Variants in WWOX observed in about 807,000 individuals in gnomAD.
WWOX encodes WW domain containing oxidoreductase, also known as WW domain-containing oxidoreductase.
Under a neutral mutation model 46.2 loss-of-function variants are expected in WWOX, and 69 were observed. That is an observed-to-expected ratio of 1.49 (90% CI 1.23 to 1.82). The LOEUF is 1.82. Ranked by LOEUF, WWOX falls within the 40% of genes most tolerant of loss-of-function variation. The pLI is 0.00. For synonymous variants in WWOX, 359 were observed against 202.6 expected (o/e 1.77, Z -6.56); for missense variants, 919 against 542.6 (o/e 1.69, Z -6.89).
chr16:79,131,885 C>T (rs955249574), intron 8 of WWOX, among the ~76,000 whole-genome samples: 3 of 152,100 alleles, frequency 2.0e-5, no homozygotes, highest in African/African-American at 7.2e-5. Context: ...TCACGTCTTA[C>T]ACGGATGGCA....
intron 8 of WWOX, among the ~76,000 whole-genome samples, chr16:78,487,178 C>A (rs1205014524): frequency 1.3e-5 from 2 of 152,148 alleles, no homozygotes; most frequent in African/African-American, 4.8e-5. Flanking sequence ...AATATTTATG[C>A]TGGATAAATA....
rs372307222 is a variant in WWOX, at chr16:78,614,643, C to A, written c.1056+181891C>A. On this transcript the variant is annotated intron_variant, in intron 8 of 8. Coordinates refer to ENST00000566780, the MANE Select transcript of WWOX (RefSeq NM_016373.4). ...AGGTGTATGGCAGATGAGGGACCAC[C>A]CCCTCCACCTTAGTCCAGTTACAGG... Among the ~76,000 whole-genome samples, 50 of 152,318 alleles carry A rather than the reference C, an allele frequency of 3.3e-4. 1 individual carries two copies. The highest frequency in any genetic ancestry group is 1.1e-3 in the African/African-American group (47 of 41,580).
intron 5 of WWOX, among the ~76,000 whole-genome samples, chr16:78,251,442 C>G (rs1160896627): frequency 6.6e-6 from 1 of 152,176 alleles, no homozygotes; most frequent in African/African-American, 2.4e-5. Context: ...CTGCTCGTTA[C>G]ACAGCATTGC....
chr16:78,259,763 A>C (rs888968473), intron 5 of WWOX, among the ~76,000 whole-genome samples: 1 of 151,438 alleles, frequency 6.6e-6, no homozygotes, highest in African/African-American at 2.4e-5. Flanking sequence ...GATCTCTATC[A>C]AAAGTTTTAT....
At chr16:78,936,686 G>A (rs1375913441) in intron 8 of WWOX, among the ~76,000 whole-genome samples, 2 of 151,898 alleles carry the variant, frequency 1.3e-5, no homozygotes, top group African/African-American at 4.8e-5. Flanking sequence ...CGTACCCTAG[G>A]TAAGGAGAGA....
At chr16:79,123,327 G>A (rs575816259) in intron 8 of WWOX, among the ~76,000 whole-genome samples, 3 of 152,250 alleles carry the variant, frequency 2.0e-5, no homozygotes, top group South Asian at 4.1e-4. Context: ...GCGTGATCAG[G>A]CCCATAAAAT....
intron 8 of WWOX, among the ~76,000 whole-genome samples, chr16:78,489,900 C>G (rs552960388): frequency 1.3e-5 from 2 of 152,192 alleles, no homozygotes; most frequent in South Asian, 4.1e-4. Flanking sequence ...TGACAGATAG[C>G]CGGATGATTT....
chr16:78,813,771 G>T (rs1407243552), intron 8 of WWOX, among the ~76,000 whole-genome samples: 1 of 152,114 alleles, frequency 6.6e-6, no homozygotes, highest in African/African-American at 2.4e-5. Context: ...GTCAGACCAG[G>T]ATGAGTGGGG....
intron 5 of WWOX, among the ~76,000 whole-genome samples, chr16:78,169,590 T>A (rs2035085813): frequency 1.6e-5 from 2 of 127,344 alleles, no homozygotes; most frequent in South Asian, 5.1e-4. Context: ...AAGACCCCAG[T>A]GGGGCTCTGA....
intron 8 of WWOX, among the ~76,000 whole-genome samples, chr16:78,979,792 T>A (rs1193942951): frequency 6.6e-6 from 1 of 152,152 alleles, no homozygotes; most frequent in Non-Finnish European, 1.5e-5. Flanking sequence ...TGCACTGCAT[T>A]TATCCAAAGG....
rs71840436 is a variant in WWOX, at chr16:79,033,291, T to TAC, written c.1057-178311_1057-178310dup. Among the ~76,000 whole-genome samples, 627 of 148,218 alleles carry TAC rather than the reference T, an allele frequency of 4.2e-3. 5 individuals are homozygous for TAC. The highest frequency in any genetic ancestry group is 0.03 in the East Asian group (154 of 5,126). ...CCCCCACCAAATATTTATATATATA[T>TAC]ACACACATATGTATATATGTATGTA... is the stretch of plus-strand genomic sequence containing the variant. On this transcript the variant is annotated intron_variant, in intron 8 of 8. Transcript: ENST00000566780.
At chr16:79,127,066 T>C (rs1241978286) in intron 8 of WWOX, among the ~76,000 whole-genome samples, 1 of 152,056 alleles carries the variant, frequency 6.6e-6, no homozygotes, top group Non-Finnish European at 1.5e-5. Flanking sequence ...CATATACACA[T>C]AAAATATTTA....
Position 78,633,177 on chromosome 16 carries a change from G to A in WWOX, c.1056+200425G>A, listed in dbSNP as rs898744327. Among the ~76,000 whole-genome samples, 91 of 152,080 alleles carry A rather than the reference G, an allele frequency of 6.0e-4. 1 individual carries two copies. The highest frequency in any genetic ancestry group is 2.6e-4 in the Non-Finnish European group (18 of 68,018). On this transcript the variant is annotated intron_variant, in intron 8 of 8. Transcript: ENST00000566780. ...CTCGGGAGGCTGAGGCAGGAGAATCGCTTGAGCCTGGGAGGCAGAGGTTGC... is the reference window on the plus strand; with the variant it reads ...CTCGGGAGGCTGAGGCAGGAGAATCACTTGAGCCTGGGAGGCAGAGGTTGC...
chr16:78,834,694 A>G lies in WWOX; in HGVS notation c.1057-376914A>G, dbSNP rs74616125. On this transcript the variant is annotated intron_variant, in intron 8 of 8. Transcript: ENST00000566780. ...CTTCTTAACAGAATAAAGATTTTGT[A>G]TATTGCAGAGATAATTTATAGATAC... is the stretch of plus-strand genomic sequence containing the variant. Among the ~76,000 whole-genome samples, 665 of 152,312 alleles carry G rather than the reference A, an allele frequency of 4.4e-3. 5 individuals carry two copies. The highest frequency in any genetic ancestry group is 0.015 in the African/African-American group (623 of 41,558).
intron 8 of WWOX, among the ~76,000 whole-genome samples, chr16:79,005,724 C>T (rs560447043): frequency 2.0e-5 from 3 of 152,318 alleles, no homozygotes; most frequent in East Asian, 3.9e-4. Flanking sequence ...TCACTGTAAT[C>T]ACATCTTACC....
intron 8 of WWOX, among the ~76,000 whole-genome samples, chr16:78,946,876 G>A (rs919142478): frequency 2.0e-5 from 3 of 152,058 alleles, no homozygotes; most frequent in Non-Finnish European, 4.4e-5. Flanking sequence ...AAGGACAAGA[G>A]GACATCACAC....
chr16:78,648,870 C>T (rs1428286485), intron 8 of WWOX, among the ~76,000 whole-genome samples: 2 of 152,078 alleles, frequency 1.3e-5, no homozygotes, highest in Non-Finnish European at 2.9e-5. Flanking sequence ...ATTTGGGTTC[C>T]CTTTGTTTAT....
In WWOX at chr16:78,179,217, G is replaced by A. The variant is rs541235567; in HGVS notation, c.516+14928G>A. On this transcript the variant is annotated intron_variant, in intron 5 of 8. Coordinates refer to ENST00000566780, the MANE Select transcript of WWOX (RefSeq NM_016373.4). ...GGGCTTTATATAACTTTTAGCCTTTGCTTTGCAGGGACAGCAAAGATGTGA... is the reference window on the plus strand; with the variant it reads ...GGGCTTTATATAACTTTTAGCCTTTACTTTGCAGGGACAGCAAAGATGTGA... Among the ~76,000 whole-genome samples, 4 of 152,344 alleles carry A rather than the reference G, an allele frequency of 2.6e-5. No homozygotes were observed. The South Asian group carries it at 8.3e-4, about 32-fold the overall frequency.
chr16:78,174,948 A>C (rs2035283794), intron 5 of WWOX, among the ~76,000 whole-genome samples: 1 of 151,646 alleles, frequency 6.6e-6, no homozygotes, highest in South Asian at 2.1e-4. Context: ...AGATCAGGCC[A>C]CTGCACTCCA....
Sources: gnomAD v4.1 joint callset for allele counts (sites outside exome capture counted in the v4.1 genomes callset) on GRCh38, gnomAD v4.1.1 for gene constraint, MANE v1.5 for transcripts, NCBI Gene and HGNC (gene_info 2026-07-23, HGNC 2026-07-21) for gene names.